The following ZNF804B variants were observed in gnomAD, a reference collection of about 807,000 sequenced individuals.
ZNF804B encodes zinc finger protein 804B, also known as zinc finger 804B.
ZNF804B carries 80 observed loss-of-function variants against 101.4 expected under a neutral mutation model. That is an observed-to-expected ratio of 0.79 (90% confidence interval 0.66 to 0.95). The LOEUF (loss-of-function observed/expected upper bound fraction) is 0.95, where lower values mean the gene tolerates loss of function less well. Among genes scored for constraint, ZNF804B ranks in the 40% least tolerant of loss-of-function variants. ZNF804B has a pLI of 0.00. For missense variants in ZNF804B, 1,673 were observed against 1,561.9 expected, an observed-to-expected ratio of 1.07 and a Z score of -1.20; for synonymous variants, 622 against 558.8, an observed-to-expected ratio of 1.11 and a Z score of -1.59.
intron 1 of ZNF804B, among the ~76,000 whole-genome samples, chr7:88,860,055 T>C (rs1288005266): frequency 6.6e-6 from 1 of 152,032 alleles, no homozygotes; most frequent in African/African-American, 2.4e-5. Context: ...TATAATGTTC[T>C]CTTGCGTCTG....
At chr7:88,831,941 A>C (rs945910967) in intron 1 of ZNF804B, among the ~76,000 whole-genome samples, 1 of 151,906 alleles carries the variant, frequency 6.6e-6, no homozygotes, top group East Asian at 1.9e-4. Flanking sequence ...TTTTATAAAT[A>C]TATTAATCTT....
chr7:88,882,280 C>T (rs189288014), intron 1 of ZNF804B, among the ~76,000 whole-genome samples: 22 of 152,166 alleles, frequency 1.4e-4, no homozygotes, highest in Admixed American at 3.9e-4. Context: ...AAATGCTCAA[C>T]GTCAGTAATC....
At position 88,763,758 on chromosome 7, in the gene ZNF804B, A is replaced by AATAG. The variant is rs10539286; in HGVS notation, c.108+3698_108+3701dup. On this transcript the variant is annotated intron_variant, in intron 1 of 3. Coordinates refer to ENST00000333190, the MANE Select transcript of ZNF804B (RefSeq NM_181646.5). ...CACATATATACATTATAGACAGAAA[A>AATAG]ATAGATAGATAGATAGATAGATAGA... Among the ~76,000 whole-genome samples the AATAG allele has an allele frequency of 8.7e-3, 1,305 of 150,816 alleles. 8 individuals are homozygous for AATAG. The highest frequency in any genetic ancestry group is 0.014 in the Middle Eastern group (4 of 290).
At chr7:88,988,693 C>T (rs1793800794) in intron 1 of ZNF804B, among the ~76,000 whole-genome samples, 3 of 152,036 alleles carry the variant, frequency 2.0e-5, no homozygotes, top group Non-Finnish European at 2.9e-5. Context: ...GATTAAACCA[C>T]TCTGAAAATG....
At chr7:89,328,208 G>A (rs576617921) in intron 3 of ZNF804B, among the ~76,000 whole-genome samples, 2 of 151,802 alleles carry the variant, frequency 1.3e-5, no homozygotes, top group Non-Finnish European at 2.9e-5. Flanking sequence ...TTGCTTAAAT[G>A]GAAAGTAATA....
intron 1 of ZNF804B, among the ~76,000 whole-genome samples, chr7:88,812,622 C>T (rs10237276): frequency 0.34 from 51,644 of 152,012 alleles, 9,338 homozygotes; most frequent in East Asian, 0.51. Flanking sequence ...CAACTGGACA[C>T]TGATGAATGA....
chr7:89,153,619 G>A (rs895837195), intron 1 of ZNF804B, among the ~76,000 whole-genome samples: 2 of 151,958 alleles, frequency 1.3e-5, no homozygotes, highest in African/African-American at 4.8e-5. Context: ...ACATTTCTAG[G>A]TATCATAAGA....
intron 1 of ZNF804B, among the ~76,000 whole-genome samples, chr7:89,209,796 T>C (rs1226518538): frequency 6.6e-6 from 1 of 152,178 alleles, no homozygotes; most frequent in African/African-American, 2.4e-5. Context: ...TACTGAGTTT[T>C]TCTAAGTAAT....
At chr7:89,037,863 A>C (rs1788952976) in intron 1 of ZNF804B, among the ~76,000 whole-genome samples, 1 of 152,110 alleles carries the variant, frequency 6.6e-6, no homozygotes, top group Admixed American at 6.6e-5. Flanking sequence ...AACTTTTATA[A>C]GTTCAACTTG....
intron 1 of ZNF804B, among the ~76,000 whole-genome samples, chr7:88,836,416 G>A (rs1176929692): frequency 4.0e-5 from 6 of 151,866 alleles, no homozygotes; most frequent in Non-Finnish European, 1.5e-5. Context: ...GTCCCATGGG[G>A]CAGCAAATCA....
chr7:89,319,836 T>C (rs1183067853), intron 2 of ZNF804B, among the ~76,000 whole-genome samples: 2 of 152,088 alleles, frequency 1.3e-5, no homozygotes, highest in South Asian at 2.1e-4. Flanking sequence ...GCAGCTCAAC[T>C]AGAGATTGAG....
intron 1 of ZNF804B, among the ~76,000 whole-genome samples, chr7:89,157,254 G>A (rs185053513): frequency 1.2e-4 from 19 of 152,234 alleles, no homozygotes; most frequent in Non-Finnish European, 2.5e-4. Flanking sequence ...CATGTTATCT[G>A]AAATATAAAT....
chr7:89,196,254 A>G (rs1325011376), intron 1 of ZNF804B, among the ~76,000 whole-genome samples: 1 of 152,042 alleles, frequency 6.6e-6, no homozygotes, highest in African/African-American at 2.4e-5. Context: ...AAGGCCACAC[A>G]CTTAAAACCA....
intron 3 of ZNF804B, among the ~76,000 whole-genome samples, chr7:89,329,678 T>C (rs1381165939): frequency 2.0e-5 from 3 of 151,672 alleles, no homozygotes; most frequent in Non-Finnish European, 4.4e-5. Flanking sequence ...AGTTATTATA[T>C]GGGGCTGAGG....
intron 1 of ZNF804B, among the ~76,000 whole-genome samples, chr7:89,048,516 G>A (rs1584094603): frequency 6.6e-6 from 1 of 151,830 alleles, no homozygotes; most frequent in East Asian, 1.9e-4. Context: ...TGGTTGGGAT[G>A]CTTAGAATTT....
chr7:88,953,023 T>G (rs1312175964), intron 1 of ZNF804B, among the ~76,000 whole-genome samples: 1 of 151,752 alleles, frequency 6.6e-6, no homozygotes, highest in Non-Finnish European at 1.5e-5. Flanking sequence ...TCGAAGTGTT[T>G]CCTACCGCTG....
At position 89,025,189 on chromosome 7, in the gene ZNF804B, A is replaced by T. The variant is rs1003376491; in HGVS notation, c.109-192966A>T. ...GAGTTAGCAGAACTCAGAGTCAGAG[A>T]TGTTTTAAATTAACTCAATTATGAT... On this transcript the variant is annotated intron_variant, in intron 1 of 3. Coordinates refer to ENST00000333190, the MANE Select transcript of ZNF804B (RefSeq NM_181646.5). Among the ~76,000 whole-genome samples the T allele has an allele frequency of 7.2e-5, 11 of 152,238 alleles. No individual in the cohort carries two copies. The East Asian group carries it at 2.1e-3, about 29-fold the overall frequency.
chr7:88,886,393 A>C (rs1194423415), intron 1 of ZNF804B, among the ~76,000 whole-genome samples: 3 of 152,128 alleles, frequency 2.0e-5, no homozygotes, highest in African/African-American at 7.2e-5. Flanking sequence ...CTTTACAACA[A>C]ACCCCTGTGA....
At chr7:89,060,545 C>T (rs1477314578) in intron 1 of ZNF804B, among the ~76,000 whole-genome samples, 6 of 152,060 alleles carry the variant, frequency 3.9e-5, no homozygotes, top group Middle Eastern at 6.8e-3. Flanking sequence ...ATCTATATGC[C>T]GTGGTTTAAA....
Sources: allele counts gnomAD v4.1 joint callset (sites outside exome capture counted in the v4.1 genomes callset), GRCh38; gene constraint gnomAD v4.1.1; transcripts MANE v1.5; gene names NCBI Gene and HGNC (gene_info 2026-07-23, HGNC 2026-07-21).